CSMD3: variants seen among roughly 807,000 people sequenced by gnomAD.
The protein encoded by CSMD3 is CUB and sushi domain-containing protein 3.
CSMD3 carries 177 observed loss-of-function variants against 435.2 expected under a neutral mutation model. That is an observed-to-expected ratio of 0.41 (90% CI 0.36 to 0.46). The LOEUF (loss-of-function observed/expected upper bound fraction) is 0.46, where lower values mean the gene tolerates loss of function less well. Ranked by LOEUF, CSMD3 falls within the 20% of genes least tolerant of loss-of-function variation. The pLI is 0.34. For synonymous variants in CSMD3, 1,656 were observed against 1,520.5 expected, an observed-to-expected ratio of 1.09 and a Z score of -2.07; for missense variants, 4,265 against 4,504.6, an observed-to-expected ratio of 0.95 and a Z score of 1.52.
chr8:112,923,241 T>G (rs895376014), intron 9 of CSMD3, among the ~76,000 whole-genome samples: 1 of 152,150 alleles, frequency 6.6e-6, no homozygotes, highest in Non-Finnish European at 1.5e-5. Context: ...GAGCAAACTT[T>G]TCAAAGGTTA....
chr8:112,736,288 A>T (rs2077183624), intron 13 of CSMD3, among the ~76,000 whole-genome samples: 2 of 151,912 alleles, frequency 1.3e-5, no homozygotes, highest in Admixed American at 1.3e-4. Context: ...TTTGATTATG[A>T]CTGTTCTTCA....
chr8:112,766,290 T>G (rs2077977038), intron 13 of CSMD3, among the ~76,000 whole-genome samples: 1 of 151,594 alleles, frequency 6.6e-6, no homozygotes, highest in African/African-American at 2.4e-5. Context: ...AGAAGAGATA[T>G]TCTTGGAATA....
At chr8:113,275,147 C>T (rs2093560319) in intron 3 of CSMD3, among the ~76,000 whole-genome samples, 1 of 151,850 alleles carries the variant, frequency 6.6e-6, no homozygotes, top group African/African-American at 2.4e-5. Context: ...ATTCTAGGCA[C>T]TCTATATTAT....
chr8:112,465,238 C>G (rs747468589), intron 32 of CSMD3, among the ~76,000 whole-genome samples: 3 of 152,064 alleles, frequency 2.0e-5, no homozygotes, highest in Non-Finnish European at 4.4e-5. Context: ...TTCATTCTGT[C>G]GTCTCACATA....
rs75044413 is a variant in CSMD3, at chr8:112,464,295, A to G, written c.5395+8296T>C. ...ATATTGCTATCCAGGTCTCTGTTGT[A>G]ACAAAGAATCTAATCCTCAGGCTTT... On this transcript the variant is annotated intron_variant, in intron 32 of 70. Coordinates refer to ENST00000297405, the MANE Select transcript of CSMD3 (RefSeq NM_198123.2). Among the ~76,000 whole-genome samples, 1,110 of 152,024 alleles carry G rather than the reference A, an allele frequency of 7.3e-3. 16 individuals carry two copies. The highest frequency in any genetic ancestry group is 0.026 in the African/African-American group (1,061 of 41,490).
rs1474965071 is a variant in CSMD3 at position 112,666,370 on chromosome 8, G to C, written c.2723C>G (p.Ser908Ter). 1 of 1,612,416 alleles carries C rather than the reference G, an allele frequency of 6.2e-7. No homozygotes were observed. Among genetic ancestry groups the C allele is most frequent in the Non-Finnish European group, 8.5e-7 (1 of 1,179,180 alleles). ...TTTGTAGTATCCTGGCCATCCTGGTGAGAGAATCACTCCACTGGGAGCTGA... is the reference window on the plus strand; with the variant it reads ...TTTGTAGTATCCTGGCCATCCTGGTCAGAGAATCACTCCACTGGGAGCTGA... ...HFSAPSGVIL[S>*]PGWPGYYKDS... is the part of the protein sequence containing the mutation. Residue 908 changes from serine to a stop codon, truncating the protein, a stop_gained, in exon 17 of 71, where the codon TCA (serine) becomes TGA (stop). Coordinates refer to ENST00000297405, the MANE Select transcript of CSMD3 (RefSeq NM_198123.2). LOFTEE classifies it high-confidence loss of function.
In CSMD3 at chr8:113,332,224, C is replaced by T. The variant is rs112463773; in HGVS notation, c.179-17431G>A. Among the ~76,000 whole-genome samples, 14 of 150,250 alleles carry T rather than the reference C, an allele frequency of 9.3e-5. No individual in the cohort carries two copies. The South Asian group carries it at 2.5e-3, about 27-fold the overall frequency. On this transcript the variant is annotated intron_variant, in intron 1 of 70. Coordinates refer to ENST00000297405, the MANE Select transcript of CSMD3 (RefSeq NM_198123.2). ...AAAATACTTTACTGCTATAAAAATG[C>T]TAATAATGTAAGCATATACTGTTGG...
intron 36 of CSMD3, among the ~76,000 whole-genome samples, chr8:112,390,076 T>C (rs1040914989): frequency 2.6e-5 from 4 of 152,210 alleles, no homozygotes; most frequent in African/African-American, 9.6e-5. Flanking sequence ...ATAGTTTTAT[T>C]TGAGCCAAAT....
intron 3 of CSMD3, among the ~76,000 whole-genome samples, chr8:113,220,058 G>A (rs189066487): frequency 1.4e-3 from 214 of 151,440 alleles, no homozygotes; most frequent in African/African-American, 4.9e-3. Flanking sequence ...ACACAAATTT[G>A]ACTGTACTGA....
intron 53 of CSMD3, among the ~76,000 whole-genome samples, chr8:112,296,809 T>C (rs1001000514): frequency 2.0e-5 from 3 of 151,762 alleles, no homozygotes; most frequent in African/African-American, 7.2e-5. Context: ...AAATTCTTTC[T>C]CTAAAAATAG....
At chr8:112,716,885 G>A (rs1428676604) in intron 13 of CSMD3, among the ~76,000 whole-genome samples, 1 of 152,176 alleles carries the variant, frequency 6.6e-6, no homozygotes, top group Non-Finnish European at 1.5e-5. Context: ...GCAGAAAACT[G>A]AAGCTGGACC....
chr8:112,948,183 T>C lies in CSMD3; in HGVS notation c.1421-306A>G, dbSNP rs566167914. ...AAATTGGAAAATCTCTGGAAACACA[T>C]TCTCAGGGTATCAGTGTCCAGAGTT... On this transcript the variant is annotated intron_variant, in intron 8 of 70. Transcript: ENST00000297405. Among the ~76,000 whole-genome samples the C allele has an allele frequency of 2.0e-5, 3 of 152,074 alleles. No homozygotes were observed. In the East Asian group the frequency reaches 5.8e-4, roughly 30 times the overall value.
chr8:112,961,835 C>T (rs1003220004), intron 7 of CSMD3, among the ~76,000 whole-genome samples: 1 of 151,892 alleles, frequency 6.6e-6, no homozygotes, highest in Admixed American at 6.6e-5. Flanking sequence ...ATAGCACTTA[C>T]GCAGATAACA....
chr8:112,770,746 T>C (rs1404931553), intron 13 of CSMD3, among the ~76,000 whole-genome samples: 1 of 152,006 alleles, frequency 6.6e-6, no homozygotes, highest in Admixed American at 6.6e-5. Context: ...CTATATAATA[T>C]AATAACATAC....
intron 5 of CSMD3, among the ~76,000 whole-genome samples, chr8:113,038,757 T>C (rs1236602312): frequency 1.3e-5 from 2 of 152,148 alleles, no homozygotes; most frequent in Non-Finnish European, 2.9e-5. Flanking sequence ...AGAAAGACCA[T>C]AATATAAAAT....
chr8:112,998,293 CA>C (rs1047209206), intron 6 of CSMD3, among the ~76,000 whole-genome samples: 1 of 151,698 alleles, frequency 6.6e-6, no homozygotes, highest in Non-Finnish European at 1.5e-5. Context: ...AGTAAAAAAC[CA>C]AACATAATCT....
At chr8:112,293,438 AATAG>A (rs1819971036) in intron 54 of CSMD3, among the ~76,000 whole-genome samples, 1 of 152,150 alleles carries the variant, frequency 6.6e-6, no homozygotes, top group Admixed American at 6.6e-5. Context: ...TTTTATGAAT[AATAG>A]ATTGATAAGC....
chr8:112,400,969 G>A lies in CSMD3; in HGVS notation c.5809+5555C>T, dbSNP rs545501515. On this transcript the variant is annotated intron_variant, in intron 35 of 70. Transcript: ENST00000297405. ...CACCTGTAATCCCAGTACTTTGGGA[G>A]GCCGAGGCAGATAGATCACCTAAGG... Among the ~76,000 whole-genome samples, 366 of 152,244 alleles carry A rather than the reference G, an allele frequency of 2.4e-3. 2 individuals are homozygous for A. The highest frequency in any genetic ancestry group is 8.4e-3 in the African/African-American group (350 of 41,562).
intron 59 of CSMD3, among the ~76,000 whole-genome samples, chr8:112,270,427 G>A (rs997653633): frequency 1.4e-5 from 2 of 144,258 alleles, no homozygotes; most frequent in Non-Finnish European, 3.0e-5. Context: ...AAATGAAAAG[G>A]TATAGTTGCA....
Sources: allele counts gnomAD v4.1 joint callset (sites outside exome capture counted in the v4.1 genomes callset), GRCh38; gene constraint gnomAD v4.1.1; transcripts MANE v1.5; gene names NCBI Gene and HGNC (gene_info 2026-07-23, HGNC 2026-07-21).